Variants in PTPN2 observed in about 807,000 individuals in gnomAD.
PTPN2 encodes the protein protein tyrosine phosphatase non-receptor type 2.
A neutral mutation model predicts 57.3 loss-of-function variants in PTPN2; 19 were observed. That is an observed-to-expected ratio of 0.33 (90% CI 0.23 to 0.49). PTPN2 has a LOEUF of 0.49. PTPN2 is among the 20% of genes least tolerant of loss of function. PTPN2 has a pLI of 0.99. For missense variants in PTPN2, 358 were observed against 501.1 expected, an observed-to-expected ratio of 0.71 and a Z score of 2.73; for synonymous variants, 153 against 164.9, an observed-to-expected ratio of 0.93 and a Z score of 0.55.
chr18:12,791,534 C>T (rs1035509487), downstream of PTPN2, among the ~76,000 whole-genome samples: 4 of 152,152 alleles, frequency 2.6e-5, no homozygotes, highest in African/African-American at 9.7e-5. Flanking sequence ...TTGACCAGCA[C>T]ACCTCATTCA....
Position 12,792,879 on chromosome 18 carries a change from C to T in PTPN2, c.*1399G>A. 1.0e-6 allele frequency: 1 copy of T among 972,302 alleles called. No individual in the cohort carries two copies. Among genetic ancestry groups the T allele is most frequent in the Non-Finnish European group, 1.2e-6 (1 of 817,998 alleles). 60.2% of individuals were successfully genotyped at this position (972,302 alleles called of 1,614,324 possible). Reference sequence around the variant, plus strand: ...GTGCTGGGATTACAGGCATGAGCCACCGCGCCCGACCAAACTGTTTTTAAA... The same window carrying T: ...GTGCTGGGATTACAGGCATGAGCCATCGCGCCCGACCAAACTGTTTTTAAA... On this transcript the variant is annotated 3_prime_UTR_variant, in exon 9 of 9. Coordinates refer to ENST00000309660, the MANE Select transcript of PTPN2 (RefSeq NM_002828.4).
At chr18:12,871,695 T>C (rs184503008) in intron 1 of PTPN2, among the ~76,000 whole-genome samples, 149 of 152,194 alleles carry the variant, frequency 9.8e-4, no homozygotes, top group Non-Finnish European at 1.8e-3. Flanking sequence ...TTTTCTTATA[T>C]AATTTTATGG....
rs2042452222 is a variant in PTPN2, at chr18:12,826,236, C to A, written c.361-292G>T. 2.0e-5 allele frequency among the ~76,000 whole-genome samples: 3 copies of A among 152,112 alleles called. No individual in the cohort carries two copies. In the South Asian group the frequency reaches 6.2e-4, roughly 32 times the overall value. On this transcript the variant is annotated intron_variant, in intron 4 of 8. Coordinates refer to ENST00000309660, the MANE Select transcript of PTPN2 (RefSeq NM_002828.4). ...TGGCTAATATGGTGAAACCCTGTCT[C>A]TACTAAAAATACAAAAACTAGCTAG... is the stretch of plus-strand genomic sequence containing the variant.
At chr18:12,840,105 C>G (rs568955553) in intron 2 of PTPN2, among the ~76,000 whole-genome samples, 18 of 152,300 alleles carry the variant, frequency 1.2e-4, no homozygotes, top group Non-Finnish European at 2.5e-4. Context: ...GATCAAGCAT[C>G]CTTAACTTAC....
At chr18:12,853,180 T>C (rs1464294955) in intron 2 of PTPN2, among the ~76,000 whole-genome samples, 3 of 152,226 alleles carry the variant, frequency 2.0e-5, no homozygotes, top group Admixed American at 6.5e-5. Context: ...GAGACAGTCT[T>C]GCTCTGTCAC....
chr18:12,817,448 T>C lies in PTPN2; in HGVS notation c.496-83A>G. On this transcript the variant is annotated intron_variant, in intron 5 of 8. Coordinates refer to ENST00000309660, the MANE Select transcript of PTPN2 (RefSeq NM_002828.4). ...CTTCAGAAAGATCATGTGTTTTATA[T>C]AATTCTTTAAAGCCATATAGGCTGT... 11 of 1,074,432 alleles carry C rather than the reference T, an allele frequency of 1.0e-5. 1 individual carries two copies. Among genetic ancestry groups the C allele is most frequent in the South Asian group, 4.6e-5 (3 of 65,788 alleles). The allele number at this position is 1,074,432 out of a possible 1,614,324, so 66.6% of individuals were successfully genotyped here.
At chr18:12,874,853 G>A (rs2044432266) in intron 1 of PTPN2, among the ~76,000 whole-genome samples, 1 of 152,244 alleles carries the variant, frequency 6.6e-6, no homozygotes, top group Non-Finnish European at 1.5e-5. Flanking sequence ...TGGTGGTTTT[G>A]TGGAATAGAA....
chr18:12,814,451 TC>T (rs1172947435), intron 6 of PTPN2, 96 bp from the exon 7 acceptor site: 2 of 1,057,120 alleles, frequency 1.9e-6, no homozygotes, highest in African/African-American at 3.2e-5. Context: ...CTATGCATTT[TC>T]TCCTCTGAAA....
intron 1 of PTPN2, chr18:12,863,553 G>GC (rs1491065274): frequency 1.2e-4 from 4 of 32,040 alleles, no homozygotes; most frequent in African/African-American, 6.3e-4. Context: ...ATTTTTTTTG[G>GC]GGGGGGGGGG....
chr18:12,819,026 G>A (rs562892495), intron 5 of PTPN2: 8 of 304,338 alleles, frequency 2.6e-5, no homozygotes, highest in African/African-American at 1.1e-4. Flanking sequence ...CCCGGGAGGC[G>A]GAGGTTGTGG....
At chr18:12,870,510 GTTTTTTTT>G (rs397953218) in intron 1 of PTPN2, among the ~76,000 whole-genome samples, 1 of 54,404 alleles carries the variant, frequency 1.8e-5, no homozygotes, top group Non-Finnish European at 3.1e-5. Context: ...AAAGCGTGTT[GTTTTTTTT>G]TTTTTTTTGA....
intron 2 of PTPN2, among the ~76,000 whole-genome samples, chr18:12,851,704 T>C (rs1163089822): frequency 1.3e-5 from 2 of 152,196 alleles, no homozygotes; most frequent in Non-Finnish European, 2.9e-5. Flanking sequence ...TGCCATTTGC[T>C]AAGATCATGC....
In PTPN2 at chr18:12,825,927, G is replaced by C; in HGVS notation, c.378C>G (p.Tyr126Ter). 1 of 1,605,204 alleles carries C rather than the reference G, an allele frequency of 6.2e-7. No individual in the cohort carries two copies. The highest frequency in any genetic ancestry group is 8.5e-7 in the Non-Finnish European group (1 of 1,175,128). The part of the protein sequence containing the change: ...VEKESVKCAQ[Y>*]WPTDDQEMLF... ...GCATCTCTTGGTCATCTGTTGGCCA[G>C]TACTGTGCACATTTAACCTAAATTT... The change falls in exon 5 of 9, where the codon TAC (tyrosine) becomes TAG (stop). Residue 126 changes from tyrosine to a stop codon, truncating the protein, a stop_gained. Coordinates refer to ENST00000309660, the MANE Select transcript of PTPN2 (RefSeq NM_002828.4). LOFTEE classifies it high-confidence loss of function.
intron 2 of PTPN2, among the ~76,000 whole-genome samples, chr18:12,850,637 G>A (rs1480765689): frequency 4.0e-5 from 6 of 151,830 alleles, no homozygotes; most frequent in Admixed American, 6.6e-5. Context: ...CTTGACCCAC[G>A]ATTTAGAAAT....
downstream of PTPN2, among the ~76,000 whole-genome samples, chr18:12,791,131 A>C (rs1029945456): frequency 6.6e-6 from 1 of 152,250 alleles, no homozygotes; most frequent in African/African-American, 2.4e-5. Flanking sequence ...AAGCATAGAT[A>C]AAACTCAGTC....
chr18:12,827,140 G>A (rs745804721), intron 4 of PTPN2, among the ~76,000 whole-genome samples: 5 of 151,340 alleles, frequency 3.3e-5, no homozygotes, highest in Admixed American at 1.3e-4. Flanking sequence ...TCAGGAGATC[G>A]AGACCATCCT....
chr18:12,819,615 G>A (rs1411814408), intron 5 of PTPN2, among the ~76,000 whole-genome samples: 1 of 151,596 alleles, frequency 6.6e-6, no homozygotes, highest in African/African-American at 2.4e-5. Context: ...GTCACAACAC[G>A]ACTGTACACC....
At position 12,836,925 on chromosome 18, in the gene PTPN2, T is replaced by C. The variant is rs367856420; in HGVS notation, c.161-34A>G. ...AGAGAATGATAAACCACAACTGTCA[T>C]TTCAAAATTACTGTTTTTATCTTCA... On this transcript the variant is annotated intron_variant, in intron 2 of 8. Coordinates refer to ENST00000309660, the MANE Select transcript of PTPN2 (RefSeq NM_002828.4). 12 of 1,300,638 alleles carry C rather than the reference T, an allele frequency of 9.2e-6. No homozygotes were observed. The African/African-American group carries it at 1.5e-4, about 16-fold the overall frequency. 80.6% of individuals were successfully genotyped at this position (1,300,638 alleles called of 1,614,324 possible). A position where few individuals can be genotyped will look rare whatever the true frequency, so the allele number is the denominator to read the frequency against.
intron 8 of PTPN2, among the ~76,000 whole-genome samples, chr18:12,799,803 G>T (rs2041342497): frequency 6.6e-6 from 1 of 152,078 alleles, no homozygotes; most frequent in Admixed American, 6.5e-5. Flanking sequence ...GTTAATTTTT[G>T]TATTTTCAGC....
Sources: gnomAD v4.1 joint callset for allele counts (sites outside exome capture counted in the v4.1 genomes callset) on GRCh38, gnomAD v4.1.1 for gene constraint, MANE v1.5 for transcripts, NCBI Gene and HGNC (gene_info 2026-07-23, HGNC 2026-07-21) for gene names.